ERCC1: variants seen among roughly 807,000 people sequenced by gnomAD.
ERCC1 encodes the protein DNA excision repair protein ERCC-1.
In ERCC1, 36 loss-of-function variants were observed where a neutral mutation model predicts 37.6. That is an observed-to-expected ratio of 0.96 (90% confidence interval 0.73 to 1.26). The LOEUF (loss-of-function observed/expected upper bound fraction) is 1.26, where lower values mean the gene tolerates loss of function less well. ERCC1 is among the 50% of genes most tolerant of loss of function. The pLI, the probability that ERCC1 is intolerant of heterozygous loss-of-function variation, is 0.00. For missense variants in ERCC1, 349 were observed against 376.5 expected (o/e 0.93, Z 0.60); for synonymous variants, 156 against 162.1 (o/e 0.96, Z 0.28).
chr19:45,411,218 TC>T (rs1450433872), intron 9 of ERCC1, among the ~76,000 whole-genome samples: 1 of 152,208 alleles, frequency 6.6e-6, no homozygotes, highest in Non-Finnish European at 1.5e-5. Context: ...ACAGGTTGGT[TC>T]TAAGTTTTGG....
intron 5 of ERCC1, among the ~76,000 whole-genome samples, chr19:45,417,539 G>A (rs1014911639): frequency 4.6e-5 from 7 of 152,104 alleles, no homozygotes; most frequent in South Asian, 4.2e-4. Flanking sequence ...ATTATAATTC[G>A]CTCCCTACGG....
intron 1 of ERCC1, among the ~76,000 whole-genome samples, chr19:45,431,091 T>C (rs1232959097): frequency 6.6e-5 from 10 of 152,132 alleles, no homozygotes; most frequent in Non-Finnish European, 1.3e-4. Context: ...TAGCTGAGAC[T>C]ATAGTCATGC....
chr19:45,422,550 A>G (rs1452590660), intron 2 of ERCC1, among the ~76,000 whole-genome samples: 1 of 152,000 alleles, frequency 6.6e-6, no homozygotes, highest in African/African-American at 2.4e-5. Flanking sequence ...AGGTGGGCGG[A>G]TCACTTGAGG....
At chr19:45,412,155 G>A (rs759895540) in intron 9 of ERCC1, among the ~76,000 whole-genome samples, 10 of 141,646 alleles carry the variant, frequency 7.1e-5, no homozygotes, top group Non-Finnish European at 1.2e-4. Flanking sequence ...CACCATGCCC[G>A]GCCTATTTTT....
intron 1 of ERCC1, among the ~76,000 whole-genome samples, chr19:45,443,546 C>A (rs1975174991): frequency 6.6e-6 from 1 of 152,180 alleles, no homozygotes; most frequent in South Asian, 2.1e-4. Context: ...CCCCCAGGAT[C>A]CCGACCCAGG....
In ERCC1 at chr19:45,420,284, G is replaced by A. The variant is rs2123509848; in HGVS notation, c.425+40C>T. ...GACATGACCCTCCCAGGCCAGTGGGGTGCCCTTCCTGAAGTCTGGGGTGGC... is the reference window on the plus strand; with the variant it reads ...GACATGACCCTCCCAGGCCAGTGGGATGCCCTTCCTGAAGTCTGGGGTGGC... On this transcript the variant is annotated intron_variant, in intron 4 of 9. Coordinates refer to ENST00000300853, the MANE Select transcript of ERCC1 (RefSeq NM_001983.4). This position sits in a 1 kb window ranked among gnomAD's most constrained non-coding sequence, Gnocchi z 4.8. The A allele has an allele frequency of 7.6e-7, 1 of 1,315,354 alleles. No individual in the cohort carries two copies. The highest frequency in any genetic ancestry group is 1.1e-6 in the Non-Finnish European group (1 of 919,072). 81.5% of individuals were successfully genotyped at this position (1,315,354 alleles called of 1,614,324 possible). A position where few individuals can be genotyped will look rare whatever the true frequency, so the allele number is the denominator to read the frequency against.
At chr19:45,424,002 G>T (rs1974602691), upstream of ERCC1, 1 of 1,052,888 alleles carries the variant, frequency 9.5e-7, no homozygotes, top group African/African-American at 1.7e-5. Context: ...GGAGGACCGC[G>T]GAGGTCGTGG....
chr19:45,441,144 T>G (rs981683636), intron 1 of ERCC1, among the ~76,000 whole-genome samples: 6 of 152,214 alleles, frequency 3.9e-5, no homozygotes, highest in African/African-American at 1.4e-4. Context: ...GGTCTTCCCT[T>G]TGCACTGAGA....
At position 45,413,725 on chromosome 19, in the gene ERCC1, G is replaced by C. The variant is rs144154880; in HGVS notation, c.795C>G (p.Ala265=). ...TTFGSLEQLI[A]ASREDLALCP... is the part of the protein sequence containing the mutation. The stretch of plus-strand genomic sequence containing the variant: ...ATAAGGCCAGATCTTCTCTTGATGC[G>C]GCGATGAGCTGTTCCAGAGACTGAA... Residue 265 remains alanine (A), a synonymous_variant, in exon 9 of 10, where the codon GCC becomes GCG. Coordinates refer to ENST00000300853, the MANE Select transcript of ERCC1 (RefSeq NM_001983.4). 26 of 1,613,660 alleles carry C rather than the reference G, an allele frequency of 1.6e-5. No individual in the cohort carries two copies. The highest frequency in any genetic ancestry group is 2.0e-5 in the Non-Finnish European group (24 of 1,180,048).
Position 45,421,568 on chromosome 19 carries a change from C to G in ERCC1, c.106-175G>C, listed in dbSNP as rs570255105. On this transcript the variant is annotated intron_variant, in intron 2 of 9. Transcript: ENST00000300853. ...CATTGCAACCTCCACCTCCCGGGTT[C>G]AAGCAATTCTGCCTCAGCTTCCCAA... Among the ~76,000 whole-genome samples, 23 of 151,964 alleles carry G rather than the reference C, an allele frequency of 1.5e-4. No individual in the cohort carries two copies. The South Asian group carries it at 4.6e-3, about 30-fold the overall frequency.
intron 8 of ERCC1, 108 bp downstream of exon 8, chr19:45,413,855 G>A (rs1384687017): frequency 1.6e-5 from 25 of 1,578,248 alleles, no homozygotes; most frequent in Non-Finnish European, 6.1e-6. Context: ...CTGTGGGAAG[G>A]CAGGACGGGC....
intron 1 of ERCC1, among the ~76,000 whole-genome samples, chr19:45,447,576 C>G (rs1966987919): frequency 1.3e-5 from 2 of 151,868 alleles, no homozygotes; most frequent in South Asian, 4.2e-4. Context: ...TGCCGGGCGT[C>G]TATCTCTTTA....
chr19:45,408,531 A>G lies in ERCC1; in HGVS notation c.*1144T>C, dbSNP rs1365751831. 1.9e-6 allele frequency: 3 copies of G among 1,613,972 alleles called. No homozygotes were observed. The highest frequency in any genetic ancestry group is 2.5e-6 in the Non-Finnish European group (3 of 1,180,014). On this transcript the variant is annotated 3_prime_UTR_variant, in exon 10 of 10. Transcript: ENST00000300853. The stretch of plus-strand genomic sequence containing the variant: ...CAGGTGACAGAGGCCCCAGTCACTC[A>G]GGAGGCAGTGAATGGGCACGGGGCC...
intron 4 of ERCC1, 103 bp from the exon 5 acceptor site, chr19:45,419,300 G>T: frequency 1.2e-6 from 1 of 808,702 alleles, no homozygotes; most frequent in Non-Finnish European, 2.1e-6. Flanking sequence ...AGTACGGCAT[G>T]GGGGACAGAG....
In ERCC1 at chr19:45,411,279, C is replaced by A. The variant is rs118126987; in HGVS notation, c.844-1554G>T. Among the ~76,000 whole-genome samples, 6 of 152,290 alleles carry A rather than the reference C, an allele frequency of 3.9e-5. No individual in the cohort carries two copies. In the East Asian group the frequency reaches 1.2e-3, roughly 29 times the overall value. On this transcript the variant is annotated intron_variant, in intron 9 of 9. Coordinates refer to ENST00000300853, the MANE Select transcript of ERCC1 (RefSeq NM_001983.4). ...CAGGAGTGCAGATACCTGTTCCATACACTGATTTCCTTTTTTTGGGGATAT... is the reference window on the plus strand; with the variant it reads ...CAGGAGTGCAGATACCTGTTCCATAAACTGATTTCCTTTTTTTGGGGATAT...
At chr19:45,428,149 T>C (rs1974746213), upstream of ERCC1, among the ~76,000 whole-genome samples, 1 of 143,548 alleles carries the variant, frequency 7.0e-6, no homozygotes, top group African/African-American at 2.7e-5. Flanking sequence ...GGTGGTGCGA[T>C]CACACCTCAC....
intron 5 of ERCC1, among the ~76,000 whole-genome samples, chr19:45,418,771 C>A (rs1974216187): frequency 6.6e-6 from 1 of 151,160 alleles, no homozygotes; most frequent in Non-Finnish European, 1.5e-5. Context: ...TGCAGTGAGC[C>A]AAGATCAAGT....
intron 2 of ERCC1, among the ~76,000 whole-genome samples, chr19:45,422,765 A>T (rs560041886): frequency 2.3e-4 from 35 of 152,090 alleles, no homozygotes; most frequent in African/African-American, 8.2e-4. Flanking sequence ...TCAAAAAAAT[A>T]AATAAATAAA....
At position 45,409,287 on chromosome 19, in the gene ERCC1, C is replaced by T. The variant is rs756713553; in HGVS notation, c.*388G>A. On this transcript the variant is annotated 3_prime_UTR_variant, in exon 10 of 10. Coordinates refer to ENST00000300853, the MANE Select transcript of ERCC1 (RefSeq NM_001983.4). Reference sequence around the variant, plus strand: ...CACACAGTGACTGAGCCAATTCAGCCACTAGAGCCTGAACTGCCAGGGGAG... The same window carrying T: ...CACACAGTGACTGAGCCAATTCAGCTACTAGAGCCTGAACTGCCAGGGGAG... 1 of 1,613,898 alleles carries T rather than the reference C, an allele frequency of 6.2e-7. No individual in the cohort carries two copies. The highest frequency in any genetic ancestry group is 2.2e-5 in the East Asian group (1 of 44,872).
Sources: gnomAD v4.1 joint callset for allele counts (sites outside exome capture counted in the v4.1 genomes callset) on GRCh38, gnomAD v4.1.1 for gene constraint, Gnocchi (gnomAD v3.1) non-coding constraint, MANE v1.5 for transcripts, NCBI Gene and HGNC (gene_info 2026-07-23, HGNC 2026-07-21) for gene names.